The following SGPP1 variants were observed in gnomAD, a reference collection of about 807,000 sequenced individuals.
SGPP1 encodes the protein hSPP1.
A neutral mutation model predicts 33.0 loss-of-function variants in SGPP1; 21 were observed. The observed-to-expected ratio is 0.64, with a 90% CI of 0.45 to 0.92. The LOEUF is 0.92. Among genes scored for constraint, SGPP1 ranks in the 40% least tolerant of loss-of-function variants. The probability of loss-of-function intolerance (pLI) is 0.00; values close to 1 mark genes in which losing one functional copy is unlikely to be tolerated. For synonymous variants in SGPP1, 239 were observed against 241.2 expected (o/e 0.99, Z 0.08); for missense variants, 543 against 589.4 (o/e 0.92, Z 0.81).
In SGPP1 at chr14:63,686,489, T is replaced by C. The variant is rs1595059620; in HGVS notation, c.942A>G (p.Thr314=). 1 of 1,614,098 alleles carries C rather than the reference T, an allele frequency of 6.2e-7. No individual in the cohort carries two copies. ...IFSFTLDTWS[T]SRGDTAEILG... Reference sequence around the variant, plus strand: ...GTATCTCGGCTGTGTCTCCTCGGGATGTGCTCCAGGTGTCAAGAGTGAAAG... The same window carrying C: ...GTATCTCGGCTGTGTCTCCTCGGGACGTGCTCCAGGTGTCAAGAGTGAAAG... Residue 314 remains threonine, a synonymous_variant, in exon 3 of 3, where the codon ACA becomes ACG. Coordinates refer to ENST00000247225, the MANE Select transcript of SGPP1 (RefSeq NM_030791.4).
chr14:63,722,904 C>T (rs1487885537), intron 1 of SGPP1, among the ~76,000 whole-genome samples: 8 of 148,048 alleles, frequency 5.4e-5, no homozygotes, highest in African/African-American at 1.8e-4. Flanking sequence ...CCTGGGAGGT[C>T]GAGGCTGCAG....
chr14:63,706,323 G>A (rs2139642988), intron 1 of SGPP1, among the ~76,000 whole-genome samples: 1 of 152,136 alleles, frequency 6.6e-6, no homozygotes. Context: ...TCCCTTTTGG[G>A]GTGATAAAAG....
In SGPP1 at chr14:63,685,779, A is replaced by G. The variant is rs1321968313; in HGVS notation, c.*326T>C. On this transcript the variant is annotated 3_prime_UTR_variant, in exon 3 of 3. Coordinates refer to ENST00000247225, the MANE Select transcript of SGPP1 (RefSeq NM_030791.4). ...AACACTTAGGTATATTATTTTATAT[A>G]TAATATATATCAGATATATAATTGC... 6.7e-6 allele frequency: 1 copy of G among 149,134 alleles called. No homozygotes were observed. Among genetic ancestry groups the G allele is most frequent in the Non-Finnish European group, 1.5e-5 (1 of 67,424 alleles). 9.2% of individuals were successfully genotyped at this position (149,134 alleles called of 1,614,324 possible).
At chr14:63,724,051 A>AT (rs376537446) in intron 1 of SGPP1, among the ~76,000 whole-genome samples, 20 of 150,322 alleles carry the variant, frequency 1.3e-4, no homozygotes, top group East Asian at 3.9e-4. Flanking sequence ...CTGATTTTTG[A>AT]TTTTTTTTTG....
intron 1 of SGPP1, among the ~76,000 whole-genome samples, chr14:63,702,895 T>C (rs759586310): frequency 6.6e-6 from 1 of 152,000 alleles, no homozygotes; most frequent in Non-Finnish European, 1.5e-5. Flanking sequence ...AAATAACAGA[T>C]AAAGTGATAT....
chr14:63,693,517 T>C (rs568023137), intron 2 of SGPP1, among the ~76,000 whole-genome samples: 3 of 152,264 alleles, frequency 2.0e-5, no homozygotes, highest in Non-Finnish European at 2.9e-5. Flanking sequence ...TTCAGACAAA[T>C]GACAACTGAT....
Position 63,698,437 on chromosome 14 carries a change from C to T in SGPP1, c.774+132G>A. The T allele has an allele frequency of 6.4e-6, 3 of 471,444 alleles. 1 individual carries two copies. The highest frequency in any genetic ancestry group is 8.5e-5 in the Admixed American group (2 of 23,664). The allele number at this position is 471,444 out of a possible 1,614,324, so 29.2% of individuals were successfully genotyped here. ...ATAAACCATCATGTTGATATTTTCGCAAAACAAAGTTAGACGACTTACAAT... is the reference window on the plus strand; with the variant it reads ...ATAAACCATCATGTTGATATTTTCGTAAAACAAAGTTAGACGACTTACAAT... On this transcript the variant is annotated intron_variant, in intron 2 of 2. Coordinates refer to ENST00000247225, the MANE Select transcript of SGPP1 (RefSeq NM_030791.4).
At chr14:63,713,069 T>C (rs920423644) in intron 1 of SGPP1, among the ~76,000 whole-genome samples, 1 of 152,152 alleles carries the variant, frequency 6.6e-6, no homozygotes, top group Non-Finnish European at 1.5e-5. Context: ...TCTTCTTCTG[T>C]GTGTACTCAT....
chr14:63,708,734 C>T (rs1210976428), intron 1 of SGPP1, among the ~76,000 whole-genome samples: 2 of 152,164 alleles, frequency 1.3e-5, no homozygotes, highest in South Asian at 2.1e-4. Flanking sequence ...AGAGCTTTTA[C>T]AAATATTAAC....
At chr14:63,691,833 C>A (rs1271939682) in intron 2 of SGPP1, among the ~76,000 whole-genome samples, 1 of 151,712 alleles carries the variant, frequency 6.6e-6, no homozygotes, top group Non-Finnish European at 1.5e-5. Context: ...AAAGACTTTA[C>A]CTTATTTATA....
intron 1 of SGPP1, among the ~76,000 whole-genome samples, chr14:63,720,285 GAAGA>G (rs1261242455): frequency 1.3e-5 from 2 of 150,650 alleles, no homozygotes; most frequent in East Asian, 2.0e-4. Context: ...AAGAAAAAAA[GAAGA>G]AATAGAAAAA....
intron 1 of SGPP1, among the ~76,000 whole-genome samples, chr14:63,702,263 G>A (rs1213932599): frequency 1.3e-5 from 2 of 152,170 alleles, no homozygotes; most frequent in Non-Finnish European, 2.9e-5. Flanking sequence ...GAAGCTATGA[G>A]GCTTTCCTTT....
chr14:63,692,981 G>A (rs1182763826), intron 2 of SGPP1, among the ~76,000 whole-genome samples: 1 of 152,048 alleles, frequency 6.6e-6, no homozygotes, highest in African/African-American at 2.4e-5. Context: ...TATGGCCATG[G>A]CCTAGGCTGG....
intron 1 of SGPP1, among the ~76,000 whole-genome samples, chr14:63,704,932 C>CCTGG (rs1200698236): frequency 6.6e-6 from 1 of 152,066 alleles, no homozygotes; most frequent in African/African-American, 2.4e-5. Context: ...TTGAGACCAG[C>CCTGG]CTGGCCAACA....
At position 63,725,892 on chromosome 14, in the gene SGPP1, A is replaced by G. The variant is rs958915763; in HGVS notation, c.684+1369T>C. ...ATCATCAGCTAACATCACCAGGCCAAACACAGCTCATTGAAAATCTTAAAT... is the reference window on the plus strand; with the variant it reads ...ATCATCAGCTAACATCACCAGGCCAGACACAGCTCATTGAAAATCTTAAAT... On this transcript the variant is annotated intron_variant, in intron 1 of 2. Coordinates refer to ENST00000247225, the MANE Select transcript of SGPP1 (RefSeq NM_030791.4). 2.5e-4 allele frequency among the ~76,000 whole-genome samples: 38 copies of G among 152,358 alleles called. 1 individual carries two copies. The highest frequency in any genetic ancestry group is 8.9e-4 in the African/African-American group (37 of 41,586).
intron 1 of SGPP1, among the ~76,000 whole-genome samples, chr14:63,705,230 G>A (rs539704007): frequency 6.8e-6 from 1 of 148,088 alleles, no homozygotes; most frequent in South Asian, 2.2e-4. Flanking sequence ...ATTTGCAAAT[G>A]ATATATTTAA....
intron 1 of SGPP1, among the ~76,000 whole-genome samples, chr14:63,718,795 T>C (rs1013365580): frequency 6.7e-6 from 1 of 149,632 alleles, no homozygotes; most frequent in African/African-American, 2.5e-5. Context: ...ATAATCTAAG[T>C]GAAAAAAAAT....
chr14:63,727,547 C>G lies in SGPP1; in HGVS notation c.398G>C (p.Cys133Ser). ...TTCGTTGCCCAGCTCCGTGCCGAAGCAGAACAGGCAGTAGAGCGGCCAGTT... is the reference window on the plus strand; with the variant it reads ...TTCGTTGCCCAGCTCCGTGCCGAAGGAGAACAGGCAGTAGAGCGGCCAGTT... ...VSNWPLYCLFCFGTELGNELF... is the reference protein window; with the variant it reads ...VSNWPLYCLFSFGTELGNELF... The change falls in exon 1 of 3, where the codon TGC (cysteine) becomes TCC (serine). Residue 133 changes from cysteine (C) to serine (S), a missense_variant. Coordinates refer to ENST00000247225, the MANE Select transcript of SGPP1 (RefSeq NM_030791.4). 1 of 1,613,304 alleles carries G rather than the reference C, an allele frequency of 6.2e-7. No individual in the cohort carries two copies. Among genetic ancestry groups the G allele is most frequent in the Non-Finnish European group, 8.5e-7 (1 of 1,179,894 alleles).
intron 1 of SGPP1, among the ~76,000 whole-genome samples, chr14:63,705,548 G>T (rs1885392615): frequency 6.6e-6 from 1 of 151,666 alleles, no homozygotes. Flanking sequence ...TGCACTTGTG[G>T]TCCCAGGTAC....
Sources: gnomAD v4.1 joint callset for allele counts (sites outside exome capture counted in the v4.1 genomes callset) on GRCh38, gnomAD v4.1.1 for gene constraint, MANE v1.5 for transcripts, NCBI Gene and HGNC (gene_info 2026-07-23, HGNC 2026-07-21) for gene names.